The following PFKFB3 variants were observed in gnomAD, a reference collection of about 807,000 sequenced individuals.
PFKFB3 encodes 6-phosphofructo-2-kinase/fructose-2,6-biphosphatase 3.
A neutral mutation model predicts 68.0 loss-of-function variants in PFKFB3; 33 were observed. The ratio of observed to expected loss-of-function variants is 0.49; its 90% CI spans 0.37 to 0.65. The LOEUF is 0.65. Among genes scored for constraint, PFKFB3 ranks in the 30% least tolerant of loss-of-function variants. The pLI, the probability that PFKFB3 is intolerant of heterozygous loss-of-function variation, is 0.00. For synonymous variants in PFKFB3, 315 were observed against 288.2 expected (o/e 1.09, Z -0.94); for missense variants, 586 against 712.2 (o/e 0.82, Z 2.02).
At chr10:6,324,620 G>A in the PFKFB3 span, among the ~76,000 whole-genome samples, 2 of 152,146 alleles carry the variant, frequency 1.3e-5, no homozygotes, top group African/African-American at 4.8e-5. Flanking sequence ...AGTGGACACG[G>A]GGTTTTGCCA....
chr10:6,254,542 G>A (rs1307706258), exon 15 of PFKFB3: 1 of 395,060 alleles, frequency 2.5e-6, no homozygotes, highest in African/African-American at 2.1e-5. Flanking sequence ...TGATGCAAGA[G>A]AGATACGCAT....
chr10:6,230,146 T>C (rs17152226), intron 14 of PFKFB3, among the ~76,000 whole-genome samples: 2,748 of 152,242 alleles, frequency 0.018, 82 homozygotes, highest in African/African-American at 0.063. Flanking sequence ...TAATAGTGCG[T>C]TTGCTAGAAT....
intron 1 of PFKFB3, among the ~76,000 whole-genome samples, chr10:6,208,807 C>T (rs753355343): frequency 3.9e-5 from 6 of 152,172 alleles, no homozygotes; most frequent in Admixed American, 6.5e-5. Flanking sequence ...GGGGATTCAC[C>T]ATCCATCTGG....
In PFKFB3 at chr10:6,157,341, C is replaced by T. The variant is rs1293004628; in HGVS notation, c.16+12328C>T. On this transcript the variant is annotated intron_variant, in intron 1 of 14. Transcript: ENST00000379789. Reference sequence around the variant, plus strand: ...TCCTGGGTTCACGCCATTCTCCTGCCTCAGCCTCCCGAGTAGCTGGGACTA... The same window carrying T: ...TCCTGGGTTCACGCCATTCTCCTGCTTCAGCCTCCCGAGTAGCTGGGACTA... 5.3e-5 allele frequency among the ~76,000 whole-genome samples: 8 copies of T among 151,844 alleles called. No homozygotes were observed. In the East Asian group the frequency reaches 1.4e-3, roughly 26 times the overall value.
the PFKFB3 span, among the ~76,000 whole-genome samples, chr10:6,271,621 A>C: frequency 6.6e-6 from 1 of 152,308 alleles, no homozygotes; most frequent in African/African-American, 2.4e-5. Context: ...ATCTTGGACA[A>C]GATGTTCAAG....
At chr10:6,227,621 T>G (rs886874595) in intron 14 of PFKFB3, among the ~76,000 whole-genome samples, 6 of 151,998 alleles carry the variant, frequency 3.9e-5, no homozygotes, top group Admixed American at 3.3e-4. Context: ...GGGCATGTGG[T>G]GGGGACGCGT....
At chr10:6,226,435 G>C (rs1233880206) in intron 14 of PFKFB3, 70 bp downstream of exon 14, 6 of 1,462,766 alleles carry the variant, frequency 4.1e-6, no homozygotes, top group South Asian at 1.3e-5. Flanking sequence ...ATCTGGGATT[G>C]CGTGCGTGTG....
the PFKFB3 span, among the ~76,000 whole-genome samples, chr10:6,280,096 G>T: frequency 6.6e-6 from 1 of 152,150 alleles, no homozygotes; most frequent in Non-Finnish European, 1.5e-5. Context: ...TTGCTCAGCT[G>T]CCCCTTCTAC....
At chr10:6,258,478 A>G (rs1346367919), downstream of PFKFB3, among the ~76,000 whole-genome samples, 3 of 152,264 alleles carry the variant, frequency 2.0e-5, no homozygotes, top group South Asian at 4.1e-4. Flanking sequence ...TAAGTAGACC[A>G]TAGGGACCAC....
intron 1 of PFKFB3, chr10:6,149,723 A>C: frequency 6.3e-6 from 1 of 159,800 alleles, no homozygotes; most frequent in Non-Finnish European, 1.5e-5. Context: ...TTCCTCCCTC[A>C]CCACTCCATG....
the PFKFB3 span, among the ~76,000 whole-genome samples, chr10:6,292,284 T>C: frequency 5.7e-4 from 68 of 118,324 alleles, no homozygotes; most frequent in South Asian, 5.4e-3. Context: ...TTTTCTTTTT[T>C]TTTTTTTTTT....
chr10:6,322,370 C>T, the PFKFB3 span, among the ~76,000 whole-genome samples: 1 of 152,208 alleles, frequency 6.6e-6, no homozygotes, highest in African/African-American at 2.4e-5. Flanking sequence ...GTCACCATCC[C>T]CAGGACAGTC....
At chr10:6,281,458 A>C in the PFKFB3 span, among the ~76,000 whole-genome samples, 1 of 152,004 alleles carries the variant, frequency 6.6e-6, no homozygotes, top group Non-Finnish European at 1.5e-5. Flanking sequence ...TGCCCAGCTA[A>C]AAATTTGGCA....
At position 6,177,025 on chromosome 10, in the gene PFKFB3, C is replaced by T. The variant is rs545171805; in HGVS notation, c.16+32012C>T. On this transcript the variant is annotated intron_variant, in intron 1 of 14. Transcript: ENST00000379789. ...TCCCGCTCCTGCCTGCTGTGGGAGA[C>T]GAGCTTCTTGCACTGGGGCCTGATT... 1.9e-3 allele frequency among the ~76,000 whole-genome samples: 293 copies of T among 152,260 alleles called. 1 individual carries two copies. The highest frequency in any genetic ancestry group is 3.4e-3 in the Middle Eastern group (1 of 294).
chr10:6,276,047 C>T, the PFKFB3 span, among the ~76,000 whole-genome samples: 4 of 151,992 alleles, frequency 2.6e-5, no homozygotes, highest in Non-Finnish European at 4.4e-5. Context: ...AAATAGACTG[C>T]GTAAAGACAG....
At chr10:6,216,833 T>G in intron 5 of PFKFB3, 53 bp downstream of exon 5, 2 of 1,332,112 alleles carry the variant, frequency 1.5e-6, no homozygotes, top group South Asian at 2.3e-5. Context: ...AGGAAAAGGC[T>G]TCAGGAAGCG....
Position 6,228,194 on chromosome 10 carries a change from A to G in PFKFB3, c.1515+1829A>G. The G allele has an allele frequency of 6.2e-7, 1 of 1,612,710 alleles. No individual in the cohort carries two copies. Among genetic ancestry groups the G allele is most frequent in the South Asian group, 1.1e-5 (1 of 91,076 alleles). On this transcript the variant is annotated intron_variant, in intron 14 of 14. Coordinates refer to ENST00000379775, the MANE Select transcript of PFKFB3 (RefSeq NM_004566.4). The surrounding 1 kb of genome is among the most constrained non-coding windows in gnomAD (Gnocchi z 4.5). Reference sequence around the variant, plus strand: ...ACTTCTCTCTCTGCTTCTCCTCCGCAGCCTTTGCTAGGGCAAGCCTGTCTG... The same window carrying G: ...ACTTCTCTCTCTGCTTCTCCTCCGCGGCCTTTGCTAGGGCAAGCCTGTCTG...
At chr10:6,230,809 G>A (rs368551644) in intron 14 of PFKFB3, among the ~76,000 whole-genome samples, 10 of 151,742 alleles carry the variant, frequency 6.6e-5, no homozygotes, top group South Asian at 6.2e-4. Flanking sequence ...TCCTTCTCCC[G>A]GGTTCAAGCG....
At chr10:6,221,805 G>A (rs1844984804) in intron 10 of PFKFB3, 60 bp downstream of exon 10, 3 of 1,182,624 alleles carry the variant, frequency 2.5e-6, no homozygotes, top group South Asian at 2.6e-5. Flanking sequence ...GCTGTGCAGG[G>A]CTGGGCCACC....
Sources: gnomAD v4.1 joint callset for allele counts (sites outside exome capture counted in the v4.1 genomes callset) on GRCh38, gnomAD v4.1.1 for gene constraint, Gnocchi (gnomAD v3.1) non-coding constraint, MANE v1.5 for transcripts, NCBI Gene and HGNC (gene_info 2026-07-23, HGNC 2026-07-21) for gene names.